Variants in SRFBP1 observed in about 807,000 individuals in gnomAD.
SRFBP1 encodes serum response factor binding protein 1.
SRFBP1 carries 47 observed loss-of-function variants against 45.5 expected under a neutral mutation model. The ratio of observed to expected loss-of-function variants is 1.03; its 90% CI spans 0.82 to 1.32. SRFBP1 has a LOEUF of 1.32. Ranked by LOEUF, SRFBP1 falls within the 40% of genes most tolerant of loss-of-function variation. SRFBP1 has a pLI of 0.00. For synonymous variants in SRFBP1, 203 were observed against 166.3 expected (o/e 1.22, Z -1.70); for missense variants, 621 against 484.6 (o/e 1.28, Z -2.64).
chr5:122,077,688 C>A (rs762913437), downstream of SRFBP1: 4 of 1,599,356 alleles, frequency 2.5e-6, no homozygotes, highest in Non-Finnish European at 3.4e-6. The surrounding 1 kb of genome is among the most constrained non-coding windows in gnomAD (Gnocchi z 4.9). Context: ...CGCGCCGCGG[C>A]GGTGCGGTTG....
intron 1 of SRFBP1, among the ~76,000 whole-genome samples, chr5:121,962,742 G>T (rs745807105): frequency 1.3e-5 from 2 of 152,074 alleles, no homozygotes; most frequent in Non-Finnish European, 2.9e-5. Flanking sequence ...ATCCCCCTCT[G>T]GTTTCTGCTT....
In SRFBP1 at chr5:122,026,963, A is replaced by G. The variant is rs1396669829; in HGVS notation, c.1127A>G (p.Gln376Arg). The G allele has an allele frequency of 1.9e-6, 3 of 1,611,470 alleles. No individual in the cohort carries two copies. The highest frequency in any genetic ancestry group is 2.5e-6 in the Non-Finnish European group (3 of 1,179,150). ...CTAGATTTTCCACAGAATGAGCCTC[A>G]GATCAAGAATCAGTTTAATAAGAAG... is the stretch of plus-strand genomic sequence containing the variant. ...RSLDFPQNEP[Q>R]IKNQFNKKLS... The change falls in exon 8 of 8, where the codon CAG (glutamine) becomes CGG (arginine). Residue 376 changes from glutamine to arginine, a missense_variant. Transcript: ENST00000339397.
intron 2 of SRFBP1, 87 bp from the exon 3 acceptor site, chr5:121,975,228 T>TAAAAAAAAA: frequency 7.2e-7 from 1 of 1,382,570 alleles, no homozygotes; most frequent in East Asian, 2.3e-5. Context: ...TACGCTTTTC[T>TAAAAAAAAA]AAAAAGAAAT....
downstream of SRFBP1, chr5:122,077,803 G>T: frequency 6.5e-7 from 1 of 1,549,832 alleles, no homozygotes; most frequent in Non-Finnish European, 8.7e-7. The surrounding 1 kb of genome is among the most constrained non-coding windows in gnomAD (Gnocchi z 4.9). Flanking sequence ...GGTACTGTGA[G>T]CCCAGGCTCA....
intron 2 of SRFBP1, among the ~76,000 whole-genome samples, chr5:122,060,032 C>T (rs1292168561): frequency 1.3e-5 from 2 of 152,080 alleles, no homozygotes; most frequent in East Asian, 3.9e-4. Flanking sequence ...TCTTCTCTCA[C>T]TTGTTAAGAA....
At chr5:121,990,077 T>C (rs1382123980) in intron 3 of SRFBP1, among the ~76,000 whole-genome samples, 4 of 152,186 alleles carry the variant, frequency 2.6e-5, no homozygotes, top group Non-Finnish European at 5.9e-5. Context: ...CTACTGGGTA[T>C]ATACCCAAAA....
chr5:122,008,075 G>A (rs761127788), intron 4 of SRFBP1, among the ~76,000 whole-genome samples: 2 of 152,110 alleles, frequency 1.3e-5, no homozygotes, highest in Non-Finnish European at 2.9e-5. Context: ...TAGTCTGAAT[G>A]TACTATCCTG....
chr5:122,068,929 T>TGGC (rs112806035), intron 2 of SRFBP1, among the ~76,000 whole-genome samples: 12,220 of 152,080 alleles, frequency 0.08, 889 homozygotes, highest in African/African-American at 0.19. Flanking sequence ...AATGGTGTTC[T>TGGC]GGCGGTGGGG....
chr5:122,000,960 A>G (rs1180503493), intron 4 of SRFBP1, among the ~76,000 whole-genome samples: 1 of 152,126 alleles, frequency 6.6e-6, no homozygotes, highest in East Asian at 1.9e-4. Flanking sequence ...CTCTGCCTTC[A>G]GGGGACTTGA....
rs1266174355 is a variant in SRFBP1, at chr5:122,020,606, A to G, written c.871A>G (p.Arg291Gly). The G allele has an allele frequency of 1.2e-6, 2 of 1,613,848 alleles. No homozygotes were observed. The highest frequency in any genetic ancestry group is 1.7e-6 in the Non-Finnish European group (2 of 1,179,904). Residue 291 changes from arginine (R) to glycine (G), a missense_variant, in exon 6 of 8, where the codon AGA becomes GGA. Physicochemically the swap from Arg to Gly is moderately radical, Grantham distance 125 (BLOSUM62 -2). Coordinates refer to ENST00000339397, the MANE Select transcript of SRFBP1 (RefSeq NM_152546.3). ...SGDDFFIGKVRRTRKKESSCH... is the reference protein window; with the variant it reads ...SGDDFFIGKVGRTRKKESSCH... ...TGACGACTTCTTCATTGGGAAAGTC[A>G]GACGGACACGAAAGAAGGAAAGTAG... is the stretch of plus-strand genomic sequence containing the variant.
chr5:122,040,201 A>C (rs1753751937), intron 2 of SRFBP1, among the ~76,000 whole-genome samples: 1 of 152,130 alleles, frequency 6.6e-6, no homozygotes, highest in African/African-American at 2.4e-5. Context: ...TATTTCAAAC[A>C]TCTCTTTTTG....
intron 4 of SRFBP1, among the ~76,000 whole-genome samples, chr5:122,014,558 T>G (rs571548933): frequency 6.6e-6 from 1 of 150,452 alleles, no homozygotes; most frequent in Non-Finnish European, 1.5e-5. Context: ...AAGAAGACAT[T>G]AGAAAAAAAA....
At chr5:122,032,922 C>G (rs1033540124), downstream of SRFBP1, among the ~76,000 whole-genome samples, 4 of 151,934 alleles carry the variant, frequency 2.6e-5, no homozygotes, top group African/African-American at 9.7e-5. Context: ...CCCATGACCT[C>G]TTTGTTTTTT....
At chr5:121,990,618 C>G (rs1752601736) in intron 3 of SRFBP1, among the ~76,000 whole-genome samples, 1 of 152,184 alleles carries the variant, frequency 6.6e-6, no homozygotes, top group East Asian at 1.9e-4. Context: ...TGTTTCTACT[C>G]TGGTCCAGTT....
chr5:121,989,905 A>G (rs1752587814), intron 3 of SRFBP1, among the ~76,000 whole-genome samples: 1 of 152,052 alleles, frequency 6.6e-6, no homozygotes, highest in Non-Finnish European at 1.5e-5. Context: ...TTCTCTTTCA[A>G]CTTTGTTTCT....
At chr5:122,013,717 A>AT (rs1753140578) in intron 4 of SRFBP1, among the ~76,000 whole-genome samples, 1 of 152,178 alleles carries the variant, frequency 6.6e-6, no homozygotes, top group South Asian at 2.1e-4. Context: ...TTAGTTCAGG[A>AT]TTACAAAGAA....
chr5:122,053,309 A>G (rs573120347), intron 2 of SRFBP1, among the ~76,000 whole-genome samples: 16 of 152,144 alleles, frequency 1.1e-4, no homozygotes, highest in Non-Finnish European at 2.2e-4. Flanking sequence ...CAGGGTAAGA[A>G]GAAGCTTCAA....
chr5:122,041,054 A>G (rs1344176989), intron 2 of SRFBP1, among the ~76,000 whole-genome samples: 5 of 152,188 alleles, frequency 3.3e-5, no homozygotes, highest in South Asian at 4.1e-4. Flanking sequence ...GCTCAGTTAA[A>G]TATTTGCTTT....
chr5:122,007,387 T>A (rs995344480), intron 4 of SRFBP1, among the ~76,000 whole-genome samples: 1 of 150,474 alleles, frequency 6.6e-6, no homozygotes, highest in Non-Finnish European at 1.5e-5. Context: ...GGGGGCTGGC[T>A]GGGTATCAAG....
Sources: allele counts gnomAD v4.1 joint callset (sites outside exome capture counted in the v4.1 genomes callset), GRCh38; gene constraint gnomAD v4.1.1; non-coding constraint Gnocchi (gnomAD v3.1); transcripts MANE v1.5; gene names NCBI Gene and HGNC (gene_info 2026-07-23, HGNC 2026-07-21).